NEMP2: variants seen among roughly 807,000 people sequenced by gnomAD.
The protein encoded by NEMP2 is UPF0571 transmembrane protein.
In NEMP2, 53 loss-of-function variants were observed where a neutral mutation model predicts 54.2. The ratio of observed to expected loss-of-function variants is 0.98; its 90% CI spans 0.78 to 1.23. The LOEUF is 1.23. Among genes scored for constraint, NEMP2 ranks in the 50% most tolerant of loss-of-function variants. The pLI, the probability that NEMP2 is intolerant of heterozygous loss-of-function variation, is 0.00. For synonymous variants in NEMP2, 197 were observed against 190.3 expected, an observed-to-expected ratio of 1.04 and a Z score of -0.29; for missense variants, 455 against 511.3, an observed-to-expected ratio of 0.89 and a Z score of 1.06.
At chr2:190,451,818 A>G in the NEMP2 span, among the ~76,000 whole-genome samples, 1 of 152,232 alleles carries the variant, frequency 6.6e-6, no homozygotes. This position sits in a 1 kb window ranked among gnomAD's most constrained non-coding sequence, Gnocchi z 5.0. Flanking sequence ...AAGAATTGGA[A>G]TGTTTTTCTA....
At chr2:190,451,771 A>G in the NEMP2 span, among the ~76,000 whole-genome samples, 1 of 152,244 alleles carries the variant, frequency 6.6e-6, no homozygotes, top group South Asian at 2.1e-4. The surrounding 1 kb of genome is among the most constrained non-coding windows in gnomAD (Gnocchi z 5.0). Context: ...ACACCAGTGC[A>G]CTGGACAAGG....
chr2:190,634,639 A>AT, the NEMP2 span, among the ~76,000 whole-genome samples: 2 of 152,334 alleles, frequency 1.3e-5, no homozygotes, highest in African/African-American at 4.8e-5. This position sits in a 1 kb window ranked among gnomAD's most constrained non-coding sequence, Gnocchi z 6.8. Flanking sequence ...TACTTAAGGC[A>AT]TATCAGGCAT....
chr2:190,645,624 C>T, the NEMP2 span, among the ~76,000 whole-genome samples: 4 of 152,278 alleles, frequency 2.6e-5, no homozygotes, highest in African/African-American at 7.2e-5. Context: ...GACTAGTATG[C>T]GTCAGCCAAT....
chr2:190,472,378 A>G, the NEMP2 span, among the ~76,000 whole-genome samples: 2 of 152,252 alleles, frequency 1.3e-5, no homozygotes, highest in Non-Finnish European at 2.9e-5. Flanking sequence ...TAACCAATGC[A>G]GAGAAGTCCT....
the NEMP2 span, among the ~76,000 whole-genome samples, chr2:190,615,360 AT>A: frequency 6.6e-6 from 1 of 152,280 alleles, no homozygotes; most frequent in Admixed American, 6.5e-5. The surrounding 1 kb of genome is among the most constrained non-coding windows in gnomAD (Gnocchi z 4.7). Context: ...CCAGGGAGAT[AT>A]TTACTTGCAT....
chr2:190,481,809 C>T, the NEMP2 span, among the ~76,000 whole-genome samples: 1 of 152,196 alleles, frequency 6.6e-6, no homozygotes, highest in South Asian at 2.1e-4. Context: ...AACTTTCTTT[C>T]GTGCAGCACA....
chr2:190,642,966 ATT>A, the NEMP2 span, among the ~76,000 whole-genome samples: 1 of 109,772 alleles, frequency 9.1e-6, no homozygotes. This position sits in a 1 kb window ranked among gnomAD's most constrained non-coding sequence, Gnocchi z 4.1. Context: ...AACTTCTTAC[ATT>A]TTTTTTTTTT....
chr2:190,635,762 C>G, the NEMP2 span, among the ~76,000 whole-genome samples: 1 of 152,308 alleles, frequency 6.6e-6, no homozygotes, highest in East Asian at 1.9e-4. This position sits in a 1 kb window ranked among gnomAD's most constrained non-coding sequence, Gnocchi z 4.1. Context: ...CCTAGGAGTG[C>G]AATTTCTGGG....
chr2:190,430,609 C>A, the NEMP2 span, among the ~76,000 whole-genome samples: 2 of 152,126 alleles, frequency 1.3e-5, no homozygotes, highest in African/African-American at 4.8e-5. Flanking sequence ...CTGCTTCTTT[C>A]TACACAGACA....
the NEMP2 span, among the ~76,000 whole-genome samples, chr2:190,583,139 G>T: frequency 1.3e-5 from 2 of 151,984 alleles, no homozygotes; most frequent in African/African-American, 2.4e-5. Flanking sequence ...TTACCTAAGA[G>T]GAGCTTGAAC....
At chr2:190,477,224 T>C in the NEMP2 span, 1 of 975,368 alleles carries the variant, frequency 1.0e-6, no homozygotes, top group African/African-American at 1.8e-5. Context: ...AACAATGCAT[T>C]AAACAGGAAC....
chr2:190,612,743 T>C, the NEMP2 span, among the ~76,000 whole-genome samples: 1 of 152,216 alleles, frequency 6.6e-6, no homozygotes, highest in Non-Finnish European at 1.5e-5. Flanking sequence ...ATTTTACCAA[T>C]AGACTTTAAA....
chr2:190,527,855 T>G lies in NEMP2; in HGVS notation c.98-2477A>C, dbSNP rs1298449376. Among the ~76,000 whole-genome samples the G allele has an allele frequency of 6.6e-6, 1 of 152,154 alleles. No homozygotes were observed. Among genetic ancestry groups the G allele is most frequent in the Non-Finnish European group, 1.5e-5 (1 of 68,026 alleles). On this transcript the variant is annotated intron_variant, in intron 1 of 8. Coordinates refer to ENST00000409150, the MANE Select transcript of NEMP2 (RefSeq NM_001142645.2). This position sits in a 1 kb window ranked among gnomAD's most constrained non-coding sequence, Gnocchi z 4.0. ...AGGGATCTAGGTTGCATGCTTGTTA[T>G]GATAATCTAACTAATGCCTGATGAT... is the stretch of plus-strand genomic sequence containing the variant.
At chr2:190,500,244 G>GCATGGAATCAGGCTC, downstream of NEMP2, 1 of 1,613,010 alleles carries the variant, frequency 6.2e-7, no homozygotes, top group Non-Finnish European at 8.5e-7. This position sits in a 1 kb window ranked among gnomAD's most constrained non-coding sequence, Gnocchi z 5.3. Context: ...CTCACACCCT[G>GCATGGAATCAGGCTC]CATGGAATCA....
chr2:190,442,899 C>A, the NEMP2 span: 2 of 152,058 alleles, frequency 1.3e-5, no homozygotes, highest in African/African-American at 4.8e-5. Context: ...GAAATCTTGT[C>A]GTCTAAGAAG....
the NEMP2 span, among the ~76,000 whole-genome samples, chr2:190,457,250 C>T: frequency 2.6e-5 from 4 of 152,174 alleles, no homozygotes; most frequent in Admixed American, 6.5e-5. This position sits in a 1 kb window ranked among gnomAD's most constrained non-coding sequence, Gnocchi z 5.1. Context: ...TTTGTGGCCC[C>T]GGTCCACCCC....
intron 1 of NEMP2, chr2:190,534,180 T>C: frequency 9.7e-7 from 1 of 1,032,512 alleles, no homozygotes; most frequent in Middle Eastern, 4.6e-4. Flanking sequence ...ATTGATGTAC[T>C]GTACAAAAGG....
At chr2:190,640,292 ATGTTGCAACTCT>A in the NEMP2 span, among the ~76,000 whole-genome samples, 1 of 152,202 alleles carries the variant, frequency 6.6e-6, no homozygotes, top group African/African-American at 2.4e-5. Context: ...TCATATGGAC[ATGTTGCAACTCT>A]TGGTTCGACT....
the NEMP2 span, among the ~76,000 whole-genome samples, chr2:190,451,526 C>T: frequency 6.6e-6 from 1 of 152,196 alleles, no homozygotes; most frequent in Non-Finnish European, 1.5e-5. The surrounding 1 kb of genome is among the most constrained non-coding windows in gnomAD (Gnocchi z 5.0). Flanking sequence ...AGACAGTGAA[C>T]AGTAAGTAGA....
Sources: gnomAD v4.1 joint callset for allele counts (sites outside exome capture counted in the v4.1 genomes callset) on GRCh38, gnomAD v4.1.1 for gene constraint, Gnocchi (gnomAD v3.1) non-coding constraint, MANE v1.5 for transcripts, NCBI Gene and HGNC (gene_info 2026-07-23, HGNC 2026-07-21) for gene names.